The following IL1R1 variants were observed in gnomAD, a reference collection of about 807,000 sequenced individuals.
IL1R1 encodes interleukin-1 receptor type 1.
A neutral mutation model predicts 50.2 loss-of-function variants in IL1R1; 22 were observed. The observed-to-expected ratio is 0.44, with a 90% CI of 0.31 to 0.63. The LOEUF is 0.63. Ranked by LOEUF, IL1R1 falls within the 20% of genes least tolerant of loss-of-function variation. The pLI, the probability that IL1R1 is intolerant of heterozygous loss-of-function variation, is 0.07. For synonymous variants in IL1R1, 251 were observed against 236.7 expected, an observed-to-expected ratio of 1.06 and a Z score of -0.55; for missense variants, 509 against 676.2, an observed-to-expected ratio of 0.75 and a Z score of 2.74.
chr2:102,087,494 T>G (rs1035993691), intron 1 of IL1R1, among the ~76,000 whole-genome samples: 6 of 152,218 alleles, frequency 3.9e-5, no homozygotes, highest in Non-Finnish European at 7.3e-5. Flanking sequence ...CCTTTTGATA[T>G]GGTTTGGCTC....
intron 9 of IL1R1, among the ~76,000 whole-genome samples, chr2:102,173,538 A>G (rs894972862): frequency 1.3e-5 from 2 of 152,234 alleles, no homozygotes; most frequent in Non-Finnish European, 2.9e-5. Context: ...GAATAAATCT[A>G]GCAAAAGCTG....
intron 1 of IL1R1, among the ~76,000 whole-genome samples, chr2:102,091,520 T>G (rs1210567818): frequency 1.3e-5 from 2 of 152,260 alleles, no homozygotes; most frequent in Non-Finnish European, 2.9e-5. Context: ...TTTATATATT[T>G]ATGGGGTACA....
intron 1 of IL1R1, among the ~76,000 whole-genome samples, chr2:102,135,374 T>A (rs927175470): frequency 6.6e-6 from 1 of 152,180 alleles, no homozygotes; most frequent in Admixed American, 6.5e-5. Context: ...ATGAAGACAC[T>A]CCTCACCCCT....
chr2:102,170,892 C>T (rs1685610221), intron 7 of IL1R1, among the ~76,000 whole-genome samples: 1 of 152,286 alleles, frequency 6.6e-6, no homozygotes, highest in East Asian at 1.9e-4. Context: ...GAAACACCAT[C>T]TCTACTAAAA....
At chr2:102,166,690 A>C (rs1439909602) in intron 6 of IL1R1, among the ~76,000 whole-genome samples, 3 of 152,144 alleles carry the variant, frequency 2.0e-5, no homozygotes, top group Non-Finnish European at 4.4e-5. Context: ...GCTTTGGAAT[A>C]AGTCACATTT....
chr2:102,123,194 A>C (rs527987977), intron 1 of IL1R1, among the ~76,000 whole-genome samples: 1 of 152,366 alleles, frequency 6.6e-6, no homozygotes, highest in East Asian at 1.9e-4. Context: ...TAAAATGCCA[A>C]AGTTTTATCA....
intron 6 of IL1R1, among the ~76,000 whole-genome samples, chr2:102,166,971 G>A (rs957830000): frequency 6.6e-6 from 1 of 152,184 alleles, no homozygotes; most frequent in Non-Finnish European, 1.5e-5. Flanking sequence ...ACAGCAAAAT[G>A]AAACAAAATG....
chr2:102,121,557 C>A (rs1325425345), intron 1 of IL1R1, among the ~76,000 whole-genome samples: 2 of 152,168 alleles, frequency 1.3e-5, no homozygotes, highest in Non-Finnish European at 2.9e-5. Context: ...ACAGGAAGGG[C>A]CTCCCTGGCT....
intron 7 of IL1R1, among the ~76,000 whole-genome samples, chr2:102,170,724 A>G (rs1685596572): frequency 1.3e-5 from 2 of 152,220 alleles, no homozygotes; most frequent in Admixed American, 1.3e-4. Context: ...AAAACTAAAA[A>G]AACCAAAACC....
At position 102,179,663 on chromosome 2, in the gene IL1R1, A is replaced by G. The variant is rs200908488; in HGVS notation, c.*2904A>G. ...TCCCTCTCTTGCCTTTCTTATTTGC[A>G]ATAAAAGGTATTGAGCCATTTTTTA... On this transcript the variant is annotated 3_prime_UTR_variant, in exon 12 of 12. Transcript: ENST00000410023. 1.3e-5 allele frequency: 2 copies of G among 152,790 alleles called. No individual in the cohort carries two copies. Among genetic ancestry groups the G allele is most frequent in the African/African-American group, 4.8e-5 (2 of 41,454 alleles). The allele number at this position is 152,790 out of a possible 1,614,324, so 9.5% of individuals were successfully genotyped here. A position where few individuals can be genotyped will look rare whatever the true frequency, so the allele number is the denominator to read the frequency against.
intron 1 of IL1R1, among the ~76,000 whole-genome samples, chr2:102,130,564 C>T (rs1458023058): frequency 6.6e-6 from 1 of 152,132 alleles, no homozygotes; most frequent in East Asian, 1.9e-4. Context: ...GCCTCTAGGG[C>T]CTGACAGCTG....
chr2:102,082,842 TCA>T (rs1679274294), intron 1 of IL1R1, among the ~76,000 whole-genome samples: 1 of 152,212 alleles, frequency 6.6e-6, no homozygotes, highest in Admixed American at 6.5e-5. Context: ...CTGGGTACTC[TCA>T]GAGATTGTTA....
intron 1 of IL1R1, among the ~76,000 whole-genome samples, chr2:102,124,484 T>C (rs1049657624): frequency 6.9e-6 from 1 of 145,124 alleles, no homozygotes; most frequent in African/African-American, 2.5e-5. Context: ...GGAAAAGAGG[T>C]ATAATTGGCT....
intron 1 of IL1R1, among the ~76,000 whole-genome samples, chr2:102,088,917 C>T (rs764453474): frequency 2.6e-5 from 4 of 152,230 alleles, no homozygotes; most frequent in Non-Finnish European, 4.4e-5. Flanking sequence ...GCAGGTTTCT[C>T]ACCTCTCTCA....
chr2:102,095,790 G>T (rs181519169), intron 1 of IL1R1, among the ~76,000 whole-genome samples: 1 of 152,146 alleles, frequency 6.6e-6, no homozygotes, highest in Non-Finnish European at 1.5e-5. Context: ...GGATCATGAG[G>T]TTAGGAGATC....
Position 102,142,752 on chromosome 2 carries a change from C to G in IL1R1, c.-352C>G, listed in dbSNP as rs1337695132. ...AGCCAGAGCCGCGCCCGGCAGTTCC[C>G]GGCCGCGAGGGCGGGCGCAGCTTGT... On this transcript the variant is annotated 5_prime_UTR_variant, in exon 1 of 12. Coordinates refer to ENST00000410023, the MANE Select transcript of IL1R1 (RefSeq NM_000877.4). The G allele has an allele frequency of 6.7e-6, 1 of 150,070 alleles. No individual in the cohort carries two copies. The highest frequency in any genetic ancestry group is 2.1e-4 in the South Asian group (1 of 4,828). 9.3% of individuals were successfully genotyped at this position (150,070 alleles called of 1,614,324 possible).
At chr2:102,086,376 C>T (rs1202557670) in intron 1 of IL1R1, among the ~76,000 whole-genome samples, 1 of 152,132 alleles carries the variant, frequency 6.6e-6, no homozygotes, top group East Asian at 1.9e-4. Flanking sequence ...AGGATATTTT[C>T]TTTATCATTG....
At chr2:102,142,320 C>T (rs1682709198), upstream of IL1R1, 1 of 152,152 alleles carries the variant, frequency 6.6e-6, no homozygotes, top group African/African-American at 2.4e-5. Context: ...GGAGAGAGCC[C>T]CTGGCCAGGC....
intron 2 of IL1R1, among the ~76,000 whole-genome samples, chr2:102,156,475 T>C (rs1405723481): frequency 6.6e-6 from 1 of 152,196 alleles, no homozygotes; most frequent in African/African-American, 2.4e-5. Flanking sequence ...TTCCTGTATT[T>C]GTTTAAAAAG....
Sources: gnomAD v4.1 joint callset for allele counts (sites outside exome capture counted in the v4.1 genomes callset) on GRCh38, gnomAD v4.1.1 for gene constraint, MANE v1.5 for transcripts, NCBI Gene and HGNC (gene_info 2026-07-23, HGNC 2026-07-21) for gene names.